STIM2: variants seen among roughly 807,000 people sequenced by gnomAD.
STIM2 encodes the protein stromal interaction molecule 2.
A neutral mutation model predicts 85.8 loss-of-function variants in STIM2; 31 were observed. That is an observed-to-expected ratio of 0.36 (90% CI 0.27 to 0.49). The LOEUF is 0.49. STIM2 is among the 20% of genes least tolerant of loss of function. STIM2 has a pLI of 0.98. For missense variants in STIM2, 841 were observed against 927.6 expected, an observed-to-expected ratio of 0.91 and a Z score of 1.21; for synonymous variants, 356 against 331.1, an observed-to-expected ratio of 1.08 and a Z score of -0.82.
intron 11 of STIM2, 115 bp from the exon 12 acceptor site, chr4:27,022,404 A>G: frequency 2.4e-6 from 2 of 831,328 alleles, no homozygotes; most frequent in South Asian, 2.0e-5. Flanking sequence ...GAATCATATC[A>G]TTTCCCTCTT....
intron 2 of STIM2, among the ~76,000 whole-genome samples, chr4:26,933,191 A>C (rs1423519814): frequency 7.1e-6 from 1 of 140,322 alleles, no homozygotes; most frequent in Non-Finnish European, 1.6e-5. Flanking sequence ...TTGAGAGCTC[A>C]AAAAAAAAAA....
At chr4:27,021,211 G>A (rs1405549351) in intron 11 of STIM2, 7 of 650,128 alleles carry the variant, frequency 1.1e-5, no homozygotes, top group Non-Finnish European at 1.3e-5. Flanking sequence ...GAAGACAGAA[G>A]TTAATAAGGC....
intron 2 of STIM2, among the ~76,000 whole-genome samples, chr4:26,947,372 C>T (rs1237959805): frequency 6.6e-6 from 1 of 152,056 alleles, no homozygotes; most frequent in Non-Finnish European, 1.5e-5. Flanking sequence ...CATATCGAAA[C>T]GTATTACATT....
At chr4:26,992,080 C>A (rs1683429119) in intron 3 of STIM2, among the ~76,000 whole-genome samples, 2 of 152,018 alleles carry the variant, frequency 1.3e-5, no homozygotes, top group African/African-American at 4.8e-5. Flanking sequence ...ATGAGTAATT[C>A]TTTTACCATC....
chr4:27,002,326 T>G lies in STIM2; in HGVS notation c.735T>G (p.Val245=). Residue 245 remains valine, a synonymous_variant, in exon 6 of 12, where the codon GTT becomes GTG. Coordinates refer to ENST00000467087, the MANE Select transcript of STIM2 (RefSeq NM_020860.4). ...AGAATAAGACATCAAAAGAACATGT[T>G]GCAAAAATGATGAAAGATTTAGAGA... 6.2e-7 allele frequency: 1 copy of G among 1,613,428 alleles called. No homozygotes were observed. Among genetic ancestry groups the G allele is most frequent in the Non-Finnish European group, 8.5e-7 (1 of 1,179,770 alleles).
chr4:26,954,800 C>G (rs1262996506), intron 2 of STIM2, among the ~76,000 whole-genome samples: 1 of 147,794 alleles, frequency 6.8e-6, no homozygotes, highest in African/African-American at 2.6e-5. Context: ...TAGTCACATT[C>G]CGTGATCAGC....
At chr4:26,865,301 C>T (rs1362273960) in intron 1 of STIM2, among the ~76,000 whole-genome samples, 1 of 152,132 alleles carries the variant, frequency 6.6e-6, no homozygotes, top group Non-Finnish European at 1.5e-5. Flanking sequence ...GGTCTGGAAA[C>T]ATTGCATCCC....
chr4:26,977,588 A>G lies in STIM2; in HGVS notation c.398-17791A>G, dbSNP rs140458647. ...AATGGCTGGAAAGTCTGATTTCATG[A>G]TATATTTTGAGGAAATAGCTGGCAG... On this transcript the variant is annotated intron_variant, in intron 3 of 11. Transcript: ENST00000467087. 8.7e-3 allele frequency among the ~76,000 whole-genome samples: 1,328 copies of G among 152,264 alleles called. 16 individuals are homozygous for G. The highest frequency in any genetic ancestry group is 0.03 in the African/African-American group (1,262 of 41,554).
intron 1 of STIM2, among the ~76,000 whole-genome samples, chr4:26,876,204 T>C (rs948518216): frequency 6.6e-6 from 1 of 152,234 alleles, no homozygotes; most frequent in Non-Finnish European, 1.5e-5. Context: ...ATTTCTCCGC[T>C]ACTATGGATG....
intron 3 of STIM2, among the ~76,000 whole-genome samples, chr4:26,992,200 A>G (rs897737972): frequency 1.1e-4 from 16 of 152,158 alleles, no homozygotes; most frequent in Non-Finnish European, 7.4e-5. Context: ...CACCATTAAA[A>G]TGTAAAATTA....
chr4:26,894,583 G>T (rs188626056), intron 1 of STIM2, among the ~76,000 whole-genome samples: 2 of 151,394 alleles, frequency 1.3e-5, no homozygotes, highest in African/African-American at 4.8e-5. Context: ...CTAATCTGTG[G>T]TGCTAGTTGT....
intron 2 of STIM2, among the ~76,000 whole-genome samples, chr4:26,942,159 G>T (rs905512053): frequency 6.6e-6 from 1 of 152,038 alleles, no homozygotes; most frequent in Admixed American, 6.6e-5. Context: ...AACCACTGGG[G>T]GCTCACCATC....
intron 1 of STIM2, among the ~76,000 whole-genome samples, chr4:26,871,704 C>CT (rs35869869): frequency 0.41 from 53,195 of 129,420 alleles, 11,277 homozygotes; most frequent in East Asian, 0.62. Context: ...TGTTTTCACC[C>CT]TTTTTTTTTT....
Position 26,861,381 on chromosome 4 carries a change from GGGGGCGGCGGGC to G in STIM2, c.151+18_151+29del, listed in dbSNP as rs780882878. 3.7e-4 allele frequency: 476 copies of G among 1,289,464 alleles called. 3 individuals carry two copies. Among genetic ancestry groups the G allele is most frequent in the Admixed American group, 2.7e-3 (63 of 23,622 alleles). 79.9% of individuals were successfully genotyped at this position (1,289,464 alleles called of 1,614,324 possible). A position where few individuals can be genotyped will look rare whatever the true frequency, so the allele number is the denominator to read the frequency against. ...GGCGCTCATGACAGGTGAGGGGCCGGGGGGCGGCGGGCGGGGCTCGGCCGGCAGCGATGGGAC... is the reference window on the plus strand; with the variant it reads ...GGCGCTCATGACAGGTGAGGGGCCGGGGGGCTCGGCCGGCAGCGATGGGAC... On this transcript the variant is annotated intron_variant, in intron 1 of 11. Coordinates refer to ENST00000467087, the MANE Select transcript of STIM2 (RefSeq NM_020860.4).
intron 1 of STIM2, among the ~76,000 whole-genome samples, chr4:26,910,960 G>A (rs780760715): frequency 6.6e-6 from 1 of 152,178 alleles, no homozygotes; most frequent in Non-Finnish European, 1.5e-5. Context: ...TTTGAGGTCG[G>A]GTGCAGTGGC....
chr4:27,021,497 CA>C, intron 11 of STIM2: 3 of 456,692 alleles, frequency 6.6e-6, no homozygotes, highest in Non-Finnish European at 1.3e-5. Context: ...GTTACAGGAA[CA>C]CAAGGGAGTG....
intron 1 of STIM2, among the ~76,000 whole-genome samples, chr4:26,894,927 T>G (rs1663014648): frequency 6.6e-6 from 1 of 152,238 alleles, no homozygotes; most frequent in Non-Finnish European, 1.5e-5. Context: ...GATAATTATT[T>G]CTGGCCGGGT....
intron 2 of STIM2, among the ~76,000 whole-genome samples, chr4:26,956,752 G>A (rs1041540084): frequency 6.6e-6 from 1 of 152,028 alleles, no homozygotes; most frequent in Non-Finnish European, 1.5e-5. Context: ...TTGAAACATC[G>A]CTGTCACCAA....
At chr4:26,887,638 G>A (rs1334326289) in intron 1 of STIM2, among the ~76,000 whole-genome samples, 1 of 152,034 alleles carries the variant, frequency 6.6e-6, no homozygotes, top group African/African-American at 2.4e-5. Context: ...TTCTCTTAAT[G>A]TTTTAAAAGA....
Sources: gnomAD v4.1 joint callset for allele counts (sites outside exome capture counted in the v4.1 genomes callset) on GRCh38, gnomAD v4.1.1 for gene constraint, MANE v1.5 for transcripts, NCBI Gene and HGNC (gene_info 2026-07-23, HGNC 2026-07-21) for gene names.